Variants in PDE3A observed in about 807,000 individuals in gnomAD.
The protein encoded by PDE3A is phosphodiesterase 3A, also known as cGMP-inhibited 3',5'-cyclic phosphodiesterase 3A.
Under a neutral mutation model 98.3 loss-of-function variants are expected in PDE3A, and 43 were observed. That is an observed-to-expected ratio of 0.44 (90% CI 0.34 to 0.56). The LOEUF is 0.56. PDE3A is among the 20% of genes least tolerant of loss of function. PDE3A has a pLI of 0.01. For missense variants in PDE3A, 1,427 were observed against 1,440.7 expected (o/e 0.99, Z 0.15); for synonymous variants, 663 against 567.9 (o/e 1.17, Z -2.38).
chr12:20,627,662 T>A (rs1944296310), intron 5 of PDE3A, among the ~76,000 whole-genome samples: 1 of 152,120 alleles, frequency 6.6e-6, no homozygotes, highest in South Asian at 2.1e-4. Context: ...ATTGTTTTCT[T>A]CCTATTACTT....
In PDE3A at chr12:20,654,142, G is replaced by C. The variant is rs767351891; in HGVS notation, c.3121G>C (p.Glu1041Gln). ...DESGDTDDPEEEEEEAPAPNE... is the reference protein window; with the variant it reads ...DESGDTDDPEQEEEEAPAPNE... ...GTCAGGAGATACTGATGACCCAGAA[G>C]AAGAGGAGGAAGAAGCACCAGCACC... is the stretch of plus-strand genomic sequence containing the variant. Residue 1041 changes from glutamate (E) to glutamine (Q), a missense_variant, in exon 15 of 16, where the codon GAA becomes CAA. Glu to Gln is a conservative substitution (Grantham distance 29). Around this residue, in one of 3 missense-constraint regions of PDE3A, gnomAD observed 142 missense variants for 133.9 expected, o/e 1.06. Coordinates refer to ENST00000359062, the MANE Select transcript of PDE3A (RefSeq NM_000921.5). 5 of 1,613,898 alleles carry C rather than the reference G, an allele frequency of 3.1e-6. No homozygotes were observed. In the African/African-American group the frequency reaches 5.3e-5, roughly 17 times the overall value.
intron 1 of PDE3A, among the ~76,000 whole-genome samples, chr12:20,472,282 G>C (rs1315365354): frequency 2.0e-5 from 3 of 152,124 alleles, no homozygotes; most frequent in Non-Finnish European, 2.9e-5. Context: ...CCAACTACTT[G>C]CATATTCCTT....
intron 2 of PDE3A, among the ~76,000 whole-genome samples, chr12:20,575,137 C>T (rs1335547442): frequency 6.6e-6 from 1 of 152,014 alleles, no homozygotes; most frequent in Non-Finnish European, 1.5e-5. Context: ...ACAAAGTATT[C>T]CTTAGGAATT....
chr12:20,493,081 G>C (rs1011124125), intron 1 of PDE3A, among the ~76,000 whole-genome samples: 1 of 152,186 alleles, frequency 6.6e-6, no homozygotes, highest in African/African-American at 2.4e-5. Context: ...TGTATGAAAT[G>C]TGTAGGTGAG....
At chr12:20,525,150 A>T (rs1946493276) in intron 1 of PDE3A, among the ~76,000 whole-genome samples, 1 of 152,146 alleles carries the variant, frequency 6.6e-6, no homozygotes, top group Admixed American at 6.5e-5. Flanking sequence ...AAGAAGATGG[A>T]GCTACATTAC....
At chr12:20,480,256 T>C (rs575508853) in intron 1 of PDE3A, among the ~76,000 whole-genome samples, 1 of 152,228 alleles carries the variant, frequency 6.6e-6, no homozygotes, top group African/African-American at 2.4e-5. Context: ...AGACAGTTAA[T>C]TGTACGAAAA....
At chr12:20,619,458 C>T (rs566270011) in intron 4 of PDE3A, among the ~76,000 whole-genome samples, 1 of 152,040 alleles carries the variant, frequency 6.6e-6, no homozygotes, top group Non-Finnish European at 1.5e-5. Flanking sequence ...AAGTAATAAC[C>T]TATTCACTGT....
At chr12:20,606,684 C>T (rs1452983084) in intron 2 of PDE3A, among the ~76,000 whole-genome samples, 1 of 151,538 alleles carries the variant, frequency 6.6e-6, no homozygotes, top group African/African-American at 2.4e-5. Context: ...CATGGAGAAA[C>T]CCTGTCTCTA....
At chr12:20,678,318 C>T (rs893864967) in intron 15 of PDE3A, among the ~76,000 whole-genome samples, 1 of 152,028 alleles carries the variant, frequency 6.6e-6, no homozygotes, top group African/African-American at 2.4e-5. Context: ...CCTGTAATTT[C>T]TCTGTTGAAT....
At chr12:20,413,733 G>A (rs1344852277) in intron 1 of PDE3A, among the ~76,000 whole-genome samples, 2 of 152,068 alleles carry the variant, frequency 1.3e-5, no homozygotes, top group Non-Finnish European at 2.9e-5. Flanking sequence ...CTTAGTCAAG[G>A]GCCTATTATG....
At chr12:20,672,757 C>G (rs867632464) in intron 15 of PDE3A, among the ~76,000 whole-genome samples, 4,678 of 131,976 alleles carry the variant, frequency 0.035, 140 homozygotes, top group African/African-American at 0.081. Context: ...TAGAAGAAAA[C>G]CTAGGCATTA....
rs1943406865 is a variant in PDE3A, at chr12:20,369,232, G to A, written c.-53G>A. 7 of 1,387,428 alleles carry A rather than the reference G, an allele frequency of 5.0e-6. No homozygotes were observed. The highest frequency in any genetic ancestry group is 6.7e-6 in the Non-Finnish European group (7 of 1,037,320). The allele number at this position is 1,387,428 out of a possible 1,614,324, so 85.9% of individuals were successfully genotyped here. A position where few individuals can be genotyped will look rare whatever the true frequency, so the allele number is the denominator to read the frequency against. On this transcript the variant is annotated 5_prime_UTR_variant, in exon 1 of 16. Coordinates refer to ENST00000359062, the MANE Select transcript of PDE3A (RefSeq NM_000921.5). ...GTGTGCGCGCGCGCGCGTGGGTCGG[G>A]GCGGGGGCGTCGGGGGGCCACTGGG...
rs1326887021 is a variant in PDE3A, at chr12:20,681,326, G to T, written c.*1055G>T. 1 of 152,170 alleles carries T rather than the reference G, an allele frequency of 6.6e-6. No homozygotes were observed. The highest frequency in any genetic ancestry group is 1.5e-5 in the Non-Finnish European group (1 of 68,032). 9.4% of individuals were successfully genotyped at this position (152,170 alleles called of 1,614,324 possible). On this transcript the variant is annotated 3_prime_UTR_variant, in exon 16 of 16. Coordinates refer to ENST00000359062, the MANE Select transcript of PDE3A (RefSeq NM_000921.5). ...CTAAACACCTAAGAGCTGAAGTCAG[G>T]TCTTTTAATCAGGTTAGAATTCTAA...
intron 1 of PDE3A, among the ~76,000 whole-genome samples, chr12:20,484,181 C>T (rs571267316): frequency 6.6e-6 from 1 of 152,268 alleles, no homozygotes; most frequent in African/African-American, 2.4e-5. Context: ...GCAATACATA[C>T]AAATTTGTAT....
Position 20,595,852 on chromosome 12 carries a change from C to T in PDE3A, c.1012-17591C>T, listed in dbSNP as rs1943454072. 2.0e-5 allele frequency among the ~76,000 whole-genome samples: 3 copies of T among 152,154 alleles called. 1 individual carries two copies. The South Asian group carries it at 6.2e-4, about 32-fold the overall frequency. On this transcript the variant is annotated intron_variant, in intron 2 of 15. Coordinates refer to ENST00000359062, the MANE Select transcript of PDE3A (RefSeq NM_000921.5). ...ATGGCATATTTCAATTAAAGCATTGCCACCCTACTTTAGTCCTTATCTCCC... is the reference window on the plus strand; with the variant it reads ...ATGGCATATTTCAATTAAAGCATTGTCACCCTACTTTAGTCCTTATCTCCC...
At chr12:20,456,991 G>A (rs1011663245) in intron 1 of PDE3A, among the ~76,000 whole-genome samples, 2 of 151,970 alleles carry the variant, frequency 1.3e-5, no homozygotes, top group Admixed American at 6.6e-5. Context: ...GCCTCCTTCC[G>A]GGAAATCCCT....
chr12:20,625,334 C>G (rs1382713696), intron 5 of PDE3A, among the ~76,000 whole-genome samples: 1 of 152,062 alleles, frequency 6.6e-6, no homozygotes, highest in East Asian at 1.9e-4. Context: ...TTTAAAAATT[C>G]CTTGAATTTA....
At position 20,676,624 on chromosome 12, in the gene PDE3A, C is replaced by T. The variant is rs372184603; in HGVS notation, c.3185-3406C>T. 1.5e-3 allele frequency among the ~76,000 whole-genome samples: 221 copies of T among 151,814 alleles called. 2 individuals carry two copies. Among genetic ancestry groups the T allele is most frequent in the African/African-American group, 4.5e-3 (186 of 41,394 alleles). Reference sequence around the variant, plus strand: ...ACACCATTCTCCTGCCTCAGCCTCCCGAGTAGCTGGGACTACAGGCACACG... The same window carrying T: ...ACACCATTCTCCTGCCTCAGCCTCCTGAGTAGCTGGGACTACAGGCACACG... On this transcript the variant is annotated intron_variant, in intron 15 of 15. Transcript: ENST00000359062.
At chr12:20,674,118 T>A (rs1447994676) in intron 15 of PDE3A, among the ~76,000 whole-genome samples, 1 of 152,210 alleles carries the variant, frequency 6.6e-6, no homozygotes. Flanking sequence ...GTCAGCTAGT[T>A]CATCATTGGT....
Sources: gnomAD v4.1 joint callset for allele counts (sites outside exome capture counted in the v4.1 genomes callset) on GRCh38, gnomAD v4.1.1 for gene constraint, gnomAD v4.1.1 regional missense constraint, MANE v1.5 for transcripts, NCBI Gene and HGNC (gene_info 2026-07-23, HGNC 2026-07-21) for gene names.